The following DLGAP2 variants were observed in gnomAD, a reference collection of about 807,000 sequenced individuals.
DLGAP2 encodes the protein DLG associated protein 2.
Under a neutral mutation model 100.3 loss-of-function variants are expected in DLGAP2, and 26 were observed. That is an observed-to-expected ratio of 0.26 (90% CI 0.19 to 0.36). The LOEUF is 0.36. Ranked by LOEUF, DLGAP2 falls within the 10% of genes least tolerant of loss-of-function variation. DLGAP2 has a pLI of 1.00. For synonymous variants in DLGAP2, 886 were observed against 630.1 expected (o/e 1.41, Z -6.08); for missense variants, 1,858 against 1,453.2 (o/e 1.28, Z -4.53).
At chr8:1,349,126 C>T (rs75281445) in intron 3 of DLGAP2, among the ~76,000 whole-genome samples, 11,773 of 151,094 alleles carry the variant, frequency 0.078, 512 homozygotes, top group Middle Eastern at 0.17. Context: ...GGCCAGCAAG[C>T]CCATCAGGTC....
At chr8:1,210,995 G>C (rs1798092467) in intron 2 of DLGAP2, among the ~76,000 whole-genome samples, 1 of 152,238 alleles carries the variant, frequency 6.6e-6, no homozygotes, top group African/African-American at 2.4e-5. Flanking sequence ...GGCTGCGGCT[G>C]TCTTTAAAGG....
intron 6 of DLGAP2, among the ~76,000 whole-genome samples, chr8:1,573,250 C>A (rs7003365): frequency 4.2e-5 from 4 of 94,592 alleles, no homozygotes; most frequent in African/African-American, 4.2e-5. Flanking sequence ...GGGGCGTCTT[C>A]TGGGATGGAG....
At chr8:1,276,954 G>T (rs1356815555) in intron 3 of DLGAP2, among the ~76,000 whole-genome samples, 1 of 152,156 alleles carries the variant, frequency 6.6e-6, no homozygotes, top group Non-Finnish European at 1.5e-5. Context: ...CATCACATAT[G>T]TTCCTAAATA....
intron 3 of DLGAP2, among the ~76,000 whole-genome samples, chr8:1,289,671 C>G (rs1239536563): frequency 6.6e-6 from 1 of 152,172 alleles, no homozygotes; most frequent in Non-Finnish European, 1.5e-5. Flanking sequence ...GATGGTGAAG[C>G]CTCCACTGTG....
At chr8:1,638,981 C>G (rs985892784) in intron 8 of DLGAP2, among the ~76,000 whole-genome samples, 2 of 152,210 alleles carry the variant, frequency 1.3e-5, no homozygotes, top group Admixed American at 1.3e-4. Flanking sequence ...ATGGCCAGTA[C>G]AACCGGGGAG....
At chr8:753,202 C>G (rs1264113156) in intron 1 of DLGAP2, among the ~76,000 whole-genome samples, 2 of 152,166 alleles carry the variant, frequency 1.3e-5, no homozygotes, top group Admixed American at 1.3e-4. Context: ...GACCCCGTCA[C>G]TTACGCAGAG....
chr8:1,282,500 C>A (rs1398200108), intron 3 of DLGAP2, among the ~76,000 whole-genome samples: 1 of 123,268 alleles, frequency 8.1e-6, no homozygotes, highest in Non-Finnish European at 1.7e-5. Context: ...AGCACGTGAA[C>A]CATCCAGACG....
intron 14 of DLGAP2, 66 bp downstream of exon 14, chr8:1,697,365 G>A (rs916059326): frequency 3.3e-6 from 5 of 1,517,762 alleles, no homozygotes; most frequent in Non-Finnish European, 1.8e-6. Flanking sequence ...ACGACCTGCT[G>A]CAGATAGAGC....
chr8:747,402 C>G (rs541309426), intron 1 of DLGAP2, among the ~76,000 whole-genome samples: 1 of 151,918 alleles, frequency 6.6e-6, no homozygotes, highest in Non-Finnish European at 1.5e-5. Flanking sequence ...CGCCGGGCCT[C>G]GCTTAGGCAT....
At chr8:1,110,841 C>A (rs547868498) in intron 2 of DLGAP2, among the ~76,000 whole-genome samples, 1 of 152,008 alleles carries the variant, frequency 6.6e-6, no homozygotes, top group Non-Finnish European at 1.5e-5. Flanking sequence ...CCCCGGGACC[C>A]CACACACCCT....
intron 3 of DLGAP2, among the ~76,000 whole-genome samples, chr8:1,456,064 C>A (rs1245455512): frequency 6.6e-6 from 1 of 152,210 alleles, no homozygotes; most frequent in Non-Finnish European, 1.5e-5. Context: ...TGTTGTTGGC[C>A]AACTCCTGGG....
intron 4 of DLGAP2, among the ~76,000 whole-genome samples, chr8:1,518,739 A>C (rs887645385): frequency 1.6e-4 from 25 of 152,290 alleles, no homozygotes; most frequent in African/African-American, 5.8e-4. Flanking sequence ...TATTGTGATA[A>C]TATATAAATT....
chr8:1,554,789 C>A (rs893055187), intron 5 of DLGAP2, among the ~76,000 whole-genome samples: 2 of 151,982 alleles, frequency 1.3e-5, no homozygotes, highest in Admixed American at 1.3e-4. Flanking sequence ...CCCCCGCGCC[C>A]ACCACCCTCA....
intron 3 of DLGAP2, among the ~76,000 whole-genome samples, chr8:1,492,877 C>T (rs1270365542): frequency 1.3e-5 from 2 of 152,182 alleles, no homozygotes; most frequent in Non-Finnish European, 2.9e-5. Flanking sequence ...AACTGAAAGA[C>T]AGGCACCTCC....
At chr8:1,681,949 C>T (rs1278144163) in intron 12 of DLGAP2, among the ~76,000 whole-genome samples, 1 of 138,780 alleles carries the variant, frequency 7.2e-6, no homozygotes, top group Non-Finnish European at 1.5e-5. Flanking sequence ...TCTGCCTTCC[C>T]AGCAGTGATC....
At chr8:1,196,965 G>C (rs1188503425) in intron 2 of DLGAP2, among the ~76,000 whole-genome samples, 2 of 152,162 alleles carry the variant, frequency 1.3e-5, no homozygotes, top group Admixed American at 1.3e-4. Flanking sequence ...TGGAGACCCA[G>C]GGAAGCCAGA....
intron 3 of DLGAP2, among the ~76,000 whole-genome samples, chr8:1,460,703 A>T (rs1798448910): frequency 6.6e-6 from 1 of 152,230 alleles, no homozygotes; most frequent in African/African-American, 2.4e-5. Flanking sequence ...CTTTAAAGAG[A>T]TAACTCATAA....
chr8:742,865 G>A (rs1039997606), intron 1 of DLGAP2, among the ~76,000 whole-genome samples: 12 of 152,122 alleles, frequency 7.9e-5, no homozygotes, highest in African/African-American at 1.4e-4. Context: ...CTAAGAGTGG[G>A]GCCAATGCAA....
chr8:1,637,070 C>T (rs183404372), intron 8 of DLGAP2, among the ~76,000 whole-genome samples: 23 of 152,308 alleles, frequency 1.5e-4, no homozygotes, highest in African/African-American at 4.3e-4. Flanking sequence ...CCGGCTGGCT[C>T]CGCAGGCAGG....
Sources: gnomAD v4.1 joint callset for allele counts (sites outside exome capture counted in the v4.1 genomes callset) on GRCh38, gnomAD v4.1.1 for gene constraint, MANE v1.5 for transcripts, NCBI Gene and HGNC (gene_info 2026-07-23, HGNC 2026-07-21) for gene names.